LHFPL3: variants seen among roughly 807,000 people sequenced by gnomAD.
LHFPL3 encodes LHFPL tetraspan subfamily member 3 protein.
Under a neutral mutation model 19.3 loss-of-function variants are expected in LHFPL3, and 5 were observed. That is an observed-to-expected ratio of 0.26 (90% CI 0.14 to 0.54). The LOEUF (loss-of-function observed/expected upper bound fraction) is 0.54, where lower values mean the gene tolerates loss of function less well. Ranked by LOEUF, LHFPL3 falls within the 20% of genes least tolerant of loss-of-function variation. The pLI is 0.94. For missense variants in LHFPL3, 249 were observed against 307.4 expected (o/e 0.81, Z 1.42); for synonymous variants, 133 against 126.2 (o/e 1.05, Z -0.36).
chr7:104,346,679 G>GTTC (rs1257431611), intron 1 of LHFPL3, among the ~76,000 whole-genome samples: 5 of 98,684 alleles, frequency 5.1e-5, no homozygotes, highest in African/African-American at 2.0e-4. Context: ...ATTTCTCTTA[G>GTTC]TTCTATAAAA....
At chr7:104,583,093 G>C (rs1037151792) in intron 1 of LHFPL3, among the ~76,000 whole-genome samples, 4 of 151,986 alleles carry the variant, frequency 2.6e-5, no homozygotes, top group Admixed American at 1.3e-4. Context: ...AACCAGCATG[G>C]TGCTAGTACC....
At chr7:104,591,699 C>A (rs1290022732) in intron 1 of LHFPL3, among the ~76,000 whole-genome samples, 1 of 152,148 alleles carries the variant, frequency 6.6e-6, no homozygotes, top group Non-Finnish European at 1.5e-5. Context: ...AGATAATGTC[C>A]TGAAGAGTGT....
Position 104,464,203 on chromosome 7 carries a change from C to T in LHFPL3, c.445+134979C>T, listed in dbSNP as rs184356729. ...ATAATCTTTTTGACTCCTTGTCTCA[C>T]GCCCGGGTCACACAGATACAAGAGC... On this transcript the variant is annotated intron_variant, in intron 1 of 2. Transcript: ENST00000424859. 1.7e-3 allele frequency among the ~76,000 whole-genome samples: 265 copies of T among 152,338 alleles called. 1 individual carries two copies. Among genetic ancestry groups the T allele is most frequent in the African/African-American group, 5.7e-3 (236 of 41,572 alleles).
intron 1 of LHFPL3, among the ~76,000 whole-genome samples, chr7:104,465,095 G>T (rs1233330400): frequency 1.3e-5 from 2 of 152,072 alleles, no homozygotes; most frequent in African/African-American, 4.8e-5. Flanking sequence ...AATGCCACCA[G>T]TCTTTTTGCA....
intron 1 of LHFPL3, among the ~76,000 whole-genome samples, chr7:104,594,176 G>A (rs1482711855): frequency 1.3e-5 from 2 of 152,212 alleles, no homozygotes; most frequent in Non-Finnish European, 2.9e-5. Context: ...GCTGGTACTG[G>A]TTGTTCCTTT....
intron 1 of LHFPL3, among the ~76,000 whole-genome samples, chr7:104,510,502 A>G: frequency 6.6e-6 from 1 of 152,200 alleles, no homozygotes; most frequent in East Asian, 1.9e-4. Flanking sequence ...CATAAAAATG[A>G]ATCTTGACCT....
intron 1 of LHFPL3, among the ~76,000 whole-genome samples, chr7:104,403,055 A>T: frequency 7.1e-6 from 1 of 140,698 alleles, no homozygotes; most frequent in Admixed American, 6.7e-5. Flanking sequence ...GGGGCCTGTC[A>T]GGGGGTGATA....
chr7:104,894,047 T>G (rs370405611), intron 2 of LHFPL3, among the ~76,000 whole-genome samples: 2 of 151,826 alleles, frequency 1.3e-5, no homozygotes, highest in African/African-American at 4.8e-5. Context: ...GAGAAAGAAG[T>G]AGAGTAATAG....
intron 2 of LHFPL3, chr7:104,752,703 G>A (rs999855246): frequency 5.9e-5 from 23 of 389,948 alleles, no homozygotes; most frequent in African/African-American, 2.5e-4. Flanking sequence ...TCTTCCGAGC[G>A]CACAAGCTTA....
chr7:104,559,897 T>C (rs952307286), intron 1 of LHFPL3, among the ~76,000 whole-genome samples: 9 of 147,070 alleles, frequency 6.1e-5, no homozygotes, highest in African/African-American at 2.4e-4. Context: ...TGAAGGTTGT[T>C]GAATTTTGTC....
intron 2 of LHFPL3, among the ~76,000 whole-genome samples, chr7:104,877,476 G>T (rs1324612450): frequency 1.3e-5 from 2 of 152,062 alleles, no homozygotes; most frequent in East Asian, 1.9e-4. Context: ...TTCCCCAAAT[G>T]ATATAAAAAA....
chr7:104,476,516 A>T (rs73405792), intron 1 of LHFPL3, among the ~76,000 whole-genome samples: 3 of 151,704 alleles, frequency 2.0e-5, no homozygotes, highest in African/African-American at 7.3e-5. Flanking sequence ...CTGGAGTGCA[A>T]ATGGCACGAT....
At chr7:104,504,061 T>C (rs2115741907) in intron 1 of LHFPL3, among the ~76,000 whole-genome samples, 1 of 152,318 alleles carries the variant, frequency 6.6e-6, no homozygotes, top group Non-Finnish European at 1.5e-5. Flanking sequence ...TTTTCATTTT[T>C]CTCTCCAGGC....
chr7:104,533,203 C>T (rs1001649292), intron 1 of LHFPL3, among the ~76,000 whole-genome samples: 1 of 152,226 alleles, frequency 6.6e-6, no homozygotes, highest in Non-Finnish European at 1.5e-5. Flanking sequence ...TCTGCCAGCA[C>T]TGGATATGAG....
At chr7:104,335,126 G>A (rs1157872406) in intron 1 of LHFPL3, among the ~76,000 whole-genome samples, 2 of 152,174 alleles carry the variant, frequency 1.3e-5, no homozygotes, top group Admixed American at 6.5e-5. Flanking sequence ...GAACTGGGAT[G>A]TACTCAGGTG....
intron 2 of LHFPL3, among the ~76,000 whole-genome samples, chr7:104,782,778 C>T (rs2116426923): frequency 6.6e-6 from 1 of 152,346 alleles, no homozygotes; most frequent in Non-Finnish European, 1.5e-5. Flanking sequence ...CCACCTTCAC[C>T]TCTCACCACA....
At chr7:104,492,980 A>G (rs750082806) in intron 1 of LHFPL3, among the ~76,000 whole-genome samples, 2 of 152,088 alleles carry the variant, frequency 1.3e-5, no homozygotes, top group Admixed American at 6.5e-5. Flanking sequence ...TTAAAACTTC[A>G]CTGTATCTTT....
At chr7:104,824,554 A>C (rs1408224146) in intron 2 of LHFPL3, among the ~76,000 whole-genome samples, 52 of 74,988 alleles carry the variant, frequency 6.9e-4, no homozygotes, top group African/African-American at 2.8e-3. Flanking sequence ...TATATATAAT[A>C]TATAATTATA....
chr7:104,851,096 G>C (rs1791407630), intron 2 of LHFPL3, among the ~76,000 whole-genome samples: 1 of 152,204 alleles, frequency 6.6e-6, no homozygotes, highest in Non-Finnish European at 1.5e-5. Context: ...TCATGAAAGA[G>C]ATCTCAGCAA....
Sources: allele counts gnomAD v4.1 joint callset (sites outside exome capture counted in the v4.1 genomes callset), GRCh38; gene constraint gnomAD v4.1.1; transcripts MANE v1.5; gene names NCBI Gene and HGNC (gene_info 2026-07-23, HGNC 2026-07-21).